ANLN: variants seen among roughly 807,000 people sequenced by gnomAD.
ANLN encodes the protein anillin, actin binding protein, also known as anillin.
Under a neutral mutation model 135.1 loss-of-function variants are expected in ANLN, and 59 were observed. The observed-to-expected ratio is 0.44, with a 90% CI of 0.35 to 0.54. ANLN has a LOEUF of 0.54. Ranked by LOEUF, ANLN falls within the 20% of genes least tolerant of loss-of-function variation. ANLN has a pLI of 0.00. For synonymous variants in ANLN, 406 were observed against 456.4 expected (o/e 0.89, Z 1.41); for missense variants, 1,182 against 1,340.0 (o/e 0.88, Z 1.84).
At chr7:36,390,461 G>A in intron 1 of ANLN, 1 of 211,776 alleles carries the variant, frequency 4.7e-6, no homozygotes, top group Non-Finnish European at 9.5e-6. Context: ...GGGAAAGGCA[G>A]TAGGATGTGT....
chr7:36,443,754 G>A lies in ANLN; in HGVS notation c.2971-1G>A. 6.2e-7 allele frequency: 1 copy of A among 1,606,914 alleles called. No individual in the cohort carries two copies. Among genetic ancestry groups the A allele is most frequent in the Non-Finnish European group, 8.5e-7 (1 of 1,175,336 alleles). On this transcript the variant is annotated splice_acceptor_variant, in intron 21 of 23. Coordinates refer to ENST00000265748, the MANE Select transcript of ANLN (RefSeq NM_018685.5). LOFTEE classifies it high-confidence loss of function. Reference sequence around the variant, plus strand: ...GCCAGCATTTCAACTGACTTTTCCAGACCATATTTGAAGATGTTAGTGGTT... The same window carrying A: ...GCCAGCATTTCAACTGACTTTTCCAAACCATATTTGAAGATGTTAGTGGTT...
intron 14 of ANLN, 121 bp from the exon 15 acceptor site, chr7:36,423,696 T>A (rs2116679543): frequency 1.0e-6 from 1 of 965,022 alleles, no homozygotes; most frequent in East Asian, 3.1e-5. Flanking sequence ...TTTAGTAATT[T>A]TAAAAATAAA....
intron 20 of ANLN, among the ~76,000 whole-genome samples, chr7:36,432,019 C>T (rs1301165883): frequency 6.6e-6 from 1 of 152,168 alleles, no homozygotes; most frequent in South Asian, 2.1e-4. Context: ...CAATACCAGC[C>T]TGAGCAACAT....
chr7:36,445,677 C>T (rs997962655), intron 22 of ANLN, among the ~76,000 whole-genome samples: 2 of 152,138 alleles, frequency 1.3e-5, no homozygotes, highest in Non-Finnish European at 2.9e-5. Context: ...CTTTTACAGC[C>T]CACATGCAGG....
At chr7:36,436,929 T>G (rs1562816940) in intron 20 of ANLN, among the ~76,000 whole-genome samples, 1 of 152,212 alleles carries the variant, frequency 6.6e-6, no homozygotes, top group Admixed American at 6.5e-5. Flanking sequence ...TTCCATAGAC[T>G]GTCTTTTCAC....
chr7:36,406,662 A>G (rs1322524928), intron 4 of ANLN, 96 bp downstream of exon 4: 2 of 1,107,916 alleles, frequency 1.8e-6, no homozygotes, highest in East Asian at 2.5e-5. Context: ...ATGGGTGGAT[A>G]TATGTTTTAT....
Position 36,421,947 on chromosome 7 carries a change from G to A in ANLN, c.2254G>A (p.Gly752Arg), listed in dbSNP as rs1787894173. Residue 752 changes from glycine (G) to arginine (R), a missense_variant, in exon 13 of 24, where the codon GGG becomes AGG. Transcript: ENST00000265748. ...NCCVDEEHGK[G>R]SLEEAEAERL... ...CTGTGTTGATGAAGAACATGGAAAA[G>A]GGTCCCTAGAAGAAGCTGAAGCAGA... 1 of 1,613,622 alleles carries A rather than the reference G, an allele frequency of 6.2e-7. No homozygotes were observed. Among genetic ancestry groups the A allele is most frequent in the East Asian group, 2.2e-5 (1 of 44,806 alleles).
chr7:36,423,363 G>T (rs971671059), intron 14 of ANLN, among the ~76,000 whole-genome samples: 1 of 152,012 alleles, frequency 6.6e-6, no homozygotes, highest in African/African-American at 2.4e-5. Flanking sequence ...TTTAGTATGC[G>T]TCTGGAGGTA....
At chr7:36,402,986 G>A (rs1453536283) in intron 3 of ANLN, among the ~76,000 whole-genome samples, 1 of 152,140 alleles carries the variant, frequency 6.6e-6, no homozygotes, top group Non-Finnish European at 1.5e-5. Context: ...ACTCTGTGGT[G>A]CATGCCTGTA....
At chr7:36,421,834 T>C (rs770147693) in intron 12 of ANLN, 23 bp from the exon 13 acceptor site, 6 of 1,575,140 alleles carry the variant, frequency 3.8e-6, no homozygotes, top group Non-Finnish European at 5.2e-6. Context: ...GTATATTTTT[T>C]CTCCTCTCAT....
At chr7:36,423,150 C>G (rs921118984) in intron 14 of ANLN, among the ~76,000 whole-genome samples, 4 of 152,020 alleles carry the variant, frequency 2.6e-5, no homozygotes, top group Admixed American at 2.0e-4. Flanking sequence ...GAATACTGAA[C>G]TGATTTATAC....
chr7:36,398,062 G>A (rs197361), intron 2 of ANLN, among the ~76,000 whole-genome samples: 140,885 of 152,252 alleles, frequency 0.93, 65,580 homozygotes, highest in South Asian at 0.98. Context: ...TGTTTAGGCA[G>A]TTGATGAAAC....
chr7:36,436,369 G>C (rs543481799), intron 20 of ANLN, among the ~76,000 whole-genome samples: 9 of 152,180 alleles, frequency 5.9e-5, no homozygotes, highest in African/African-American at 2.2e-4. Flanking sequence ...TTCATTCATT[G>C]ATAGATATTT....
rs751653370 is a variant in ANLN, at chr7:36,420,635, A to G, written c.2054A>G (p.Glu685Gly). The change falls in exon 12 of 24, where the codon GAA becomes GGA. Residue 685 changes from glutamate (E) to glycine (G), a missense_variant. This residue lies in a region of ANLN where 1,022 missense variants were observed against 1,134.0 expected (regional missense o/e 0.90). Transcript: ENST00000265748. ...AYRSQRFKET[E>G]RPSIKQVIVR... ...AGATCTCAAAGATTCAAAGAAACAGAACGTCCATCAATAAAGCAGGTGATT... is the reference window on the plus strand; with the variant it reads ...AGATCTCAAAGATTCAAAGAAACAGGACGTCCATCAATAAAGCAGGTGATT... 1 of 1,613,510 alleles carries G rather than the reference A, an allele frequency of 6.2e-7. No homozygotes were observed. The highest frequency in any genetic ancestry group is 1.1e-5 in the South Asian group (1 of 91,064).
chr7:36,445,417 A>G (rs1788956492), intron 22 of ANLN, among the ~76,000 whole-genome samples: 2 of 152,048 alleles, frequency 1.3e-5, no homozygotes, highest in South Asian at 2.1e-4. Flanking sequence ...TAAACATTAT[A>G]CAGATAATAA....
chr7:36,434,370 T>TAA (rs1562814636), intron 20 of ANLN, among the ~76,000 whole-genome samples: 6 of 152,286 alleles, frequency 3.9e-5, no homozygotes, highest in Middle Eastern at 3.4e-3. Flanking sequence ...AAAATTCCTG[T>TAA]TGGGGAGAAT....
chr7:36,452,611 T>G lies in ANLN; in HGVS notation c.*11T>G, dbSNP rs373847797. ...ATTGGAAAGCCTTAAACCGGGAAAT[T>G]TCCATGCTATCTAGAGGTTTTTGAT... On this transcript the variant is annotated 3_prime_UTR_variant, in exon 24 of 24. Transcript: ENST00000265748. 67 of 1,613,604 alleles carry G rather than the reference T, an allele frequency of 4.2e-5. 1 individual carries two copies. The African/African-American group carries it at 8.3e-4, about 20-fold the overall frequency.
intron 2 of ANLN, among the ~76,000 whole-genome samples, chr7:36,397,856 A>G (rs1362968284): frequency 3.3e-5 from 5 of 152,172 alleles, no homozygotes; most frequent in Non-Finnish European, 5.9e-5. Context: ...GGCTACAGTG[A>G]GCTGAGATTG....
In ANLN at chr7:36,391,266, G is replaced by A. The variant is rs550544960; in HGVS notation, c.18+1222G>A. Among the ~76,000 whole-genome samples the A allele has an allele frequency of 2.6e-5, 4 of 152,228 alleles. No individual in the cohort carries two copies. The South Asian group carries it at 8.3e-4, about 32-fold the overall frequency. On this transcript the variant is annotated intron_variant, in intron 1 of 23. Transcript: ENST00000265748. Reference sequence around the variant, plus strand: ...ACCAAGTATCTTTCACTTACACTGAGGTCGAAAAGCGTGTATTTATTTTAT... The same window carrying A: ...ACCAAGTATCTTTCACTTACACTGAAGTCGAAAAGCGTGTATTTATTTTAT...
Sources: gnomAD v4.1 joint callset for allele counts (sites outside exome capture counted in the v4.1 genomes callset) on GRCh38, gnomAD v4.1.1 for gene constraint, gnomAD v4.1.1 regional missense constraint, MANE v1.5 for transcripts, NCBI Gene and HGNC (gene_info 2026-07-23, HGNC 2026-07-21) for gene names.